Variants in CACNA1D observed in about 807,000 individuals in gnomAD.
CACNA1D encodes voltage-dependent L-type calcium channel subunit alpha-1D.
Under a neutral mutation model 257.1 loss-of-function variants are expected in CACNA1D, and 55 were observed. That is an observed-to-expected ratio of 0.21 (90% CI 0.17 to 0.27). The LOEUF is 0.27. Among genes scored for constraint, CACNA1D ranks in the 10% least tolerant of loss-of-function variants. The pLI is 1.00. For missense variants in CACNA1D, 1,876 were observed against 2,784.0 expected, an observed-to-expected ratio of 0.67 and a Z score of 7.34; for synonymous variants, 980 against 1,014.9, an observed-to-expected ratio of 0.97 and a Z score of 0.65.
intron 8 of CACNA1D, among the ~76,000 whole-genome samples, chr3:53,702,382 T>G (rs1158125897): frequency 1.3e-5 from 2 of 152,194 alleles, no homozygotes; most frequent in Admixed American, 1.3e-4. Context: ...TTGAGATCGC[T>G]GTCATCGAGG....
chr3:53,726,800 G>A, intron 14 of CACNA1D, 79 bp from the exon 15 acceptor site: 1 of 1,588,600 alleles, frequency 6.3e-7, no homozygotes, highest in Non-Finnish European at 8.6e-7. Flanking sequence ...ACCAGATCTA[G>A]GCAGCCACCG....
chr3:53,660,309 T>A, intron 5 of CACNA1D, 34 bp downstream of exon 5: 1 of 1,610,932 alleles, frequency 6.2e-7, no homozygotes, highest in South Asian at 1.1e-5. Context: ...GTCAGGAGTG[T>A]GCTGGTTTTT....
At position 53,698,878 on chromosome 3, in the gene CACNA1D, T is replaced by C. The variant is rs1326704158; in HGVS notation, c.1221-3763T>C. 2.0e-5 allele frequency among the ~76,000 whole-genome samples: 3 copies of C among 151,968 alleles called. No homozygotes were observed. The East Asian group carries it at 5.8e-4, about 29-fold the overall frequency. On this transcript the variant is annotated intron_variant, in intron 8 of 47. Coordinates refer to ENST00000350061, the MANE Select transcript of CACNA1D (RefSeq NM_001128840.3). Reference sequence around the variant, plus strand: ...AGACACACCATAACCAAAATTCTGGTTTGGAACAAGAAGACTCCTAGCATA... The same window carrying C: ...AGACACACCATAACCAAAATTCTGGCTTGGAACAAGAAGACTCCTAGCATA...
At chr3:53,538,184 A>G (rs936401226) in intron 3 of CACNA1D, among the ~76,000 whole-genome samples, 7 of 106,112 alleles carry the variant, frequency 6.6e-5, no homozygotes, top group Middle Eastern at 0.012. Context: ...GTCTCGTTCT[A>G]TCTCCCAGGC....
In CACNA1D at chr3:53,495,501, C is replaced by A. The variant is rs553230250; in HGVS notation, c.67+268C>A. On this transcript the variant is annotated intron_variant, in intron 1 of 47. Coordinates refer to ENST00000350061, the MANE Select transcript of CACNA1D (RefSeq NM_001128840.3). This position sits in a 1 kb window ranked among gnomAD's most constrained non-coding sequence, Gnocchi z 5.1. ...CGGTGCAGCCGGAGGGGCGGCGAGT[C>A]GGGGTGATTCGGGTTCAGTGTCCTC... Among the ~76,000 whole-genome samples, 5 of 151,980 alleles carry A rather than the reference C, an allele frequency of 3.3e-5. No homozygotes were observed. The South Asian group carries it at 1.0e-3, about 32-fold the overall frequency.
rs528364500 is a variant in CACNA1D at position 53,812,817 on chromosome 3, T to C, written c.*1411T>C. ...AGGAGCAACGTGGTGATCTATAGGA[T>C]TGGAGTGTCGGGGTCTGTACAAATC... On this transcript the variant is annotated 3_prime_UTR_variant, in exon 48 of 48. Transcript: ENST00000350061. The C allele has an allele frequency of 3.3e-5, 5 of 152,390 alleles. No homozygotes were observed. The South Asian group carries it at 6.2e-4, about 19-fold the overall frequency. 9.4% of individuals were successfully genotyped at this position (152,390 alleles called of 1,614,324 possible).
intron 3 of CACNA1D, among the ~76,000 whole-genome samples, chr3:53,619,678 G>A (rs1009898694): frequency 5.9e-5 from 9 of 152,224 alleles, no homozygotes; most frequent in Admixed American, 3.3e-4. Flanking sequence ...AGGAGGGCCA[G>A]TAGAAGATCC....
intron 7 of CACNA1D, among the ~76,000 whole-genome samples, chr3:53,670,299 TG>T (rs1308159084): frequency 6.6e-6 from 1 of 152,224 alleles, no homozygotes; most frequent in Non-Finnish European, 1.5e-5. Flanking sequence ...AGCCTTGCAT[TG>T]GTCTATAACT....
intron 47 of CACNA1D, 163 bp downstream of exon 47, chr3:53,810,461 A>G: frequency 1.4e-6 from 1 of 735,424 alleles, no homozygotes; most frequent in Non-Finnish European, 2.4e-6. Context: ...GCATGAGTAA[A>G]AACTGGTCAC....
At chr3:53,514,373 C>G (rs372107464) in intron 3 of CACNA1D, among the ~76,000 whole-genome samples, 1 of 151,632 alleles carries the variant, frequency 6.6e-6, no homozygotes, top group Non-Finnish European at 1.5e-5. Context: ...GACGGCAGAA[C>G]CTTTTGGGGG....
At chr3:53,704,826 A>C (rs2094669344) in intron 9 of CACNA1D, among the ~76,000 whole-genome samples, 1 of 152,218 alleles carries the variant, frequency 6.6e-6, no homozygotes. Context: ...GAGCTGAGTG[A>C]GGCCTTCTTA....
In CACNA1D at chr3:53,769,994, C is replaced by T. The variant is rs72556360; in HGVS notation, c.3892C>T (p.Pro1298Ser). 9,584 of 1,613,132 alleles carry T rather than the reference C, an allele frequency of 5.9e-3. 46 individuals carry two copies. Among genetic ancestry groups the T allele is most frequent in the Non-Finnish European group, 6.2e-3 (7,365 of 1,179,092 alleles). The change falls in exon 31 of 48, where the codon CCT becomes TCT. Residue 1298 changes from proline (P) to serine (S), a missense_variant. This residue lies in a region of CACNA1D where 204 missense variants were observed against 309.4 expected (regional missense o/e 0.66). Coordinates refer to ENST00000350061, the MANE Select transcript of CACNA1D (RefSeq NM_001128840.3). Reference protein sequence around the residue: ...EADPTESENVPVPTATPGNSE... With the variant: ...EADPTESENVSVPTATPGNSE... ...AAAGCCAACTGAAAGTGAAAATGTCCCTGTCCCAACTGCTACACCTGGGGT... is the reference window on the plus strand; with the variant it reads ...AAAGCCAACTGAAAGTGAAAATGTCTCTGTCCCAACTGCTACACCTGGGGT...
intron 31 of CACNA1D, 112 bp downstream of exon 31, chr3:53,770,129 G>A: frequency 1.1e-6 from 1 of 932,838 alleles, no homozygotes. Flanking sequence ...TTCCAGAACA[G>A]TGTCTGCAGT....
intron 3 of CACNA1D, among the ~76,000 whole-genome samples, chr3:53,650,134 G>C (rs146746161): frequency 2.0e-5 from 3 of 152,224 alleles, no homozygotes; most frequent in Non-Finnish European, 4.4e-5. Context: ...CACAAGTTCA[G>C]CCGGGAGAGG....
At chr3:53,506,977 G>A (rs1457227444) in intron 3 of CACNA1D, among the ~76,000 whole-genome samples, 1 of 150,098 alleles carries the variant, frequency 6.7e-6, no homozygotes, top group Non-Finnish European at 1.5e-5. Flanking sequence ...GGAGGCTGAG[G>A]CAGGAGTCTT....
intron 3 of CACNA1D, among the ~76,000 whole-genome samples, chr3:53,515,945 C>T (rs1004615109): frequency 1.3e-5 from 2 of 152,148 alleles, no homozygotes; most frequent in South Asian, 2.1e-4. Context: ...AGCCTTCCAC[C>T]GTATCAGGAG....
intron 9 of CACNA1D, among the ~76,000 whole-genome samples, chr3:53,713,554 C>T (rs1000490213): frequency 1.5e-5 from 2 of 133,764 alleles, no homozygotes; most frequent in Non-Finnish European, 3.1e-5. Context: ...GAGAGATTTG[C>T]CTCCAAATTC....
Position 53,507,149 on chromosome 3 carries a change from C to T in CACNA1D, c.483+5429C>T, listed in dbSNP as rs185839376. ...TCAAAATGACCAGAGTAGATGGACTCGTGTAGTAAAACTTTACCCAAAGTT... is the reference window on the plus strand; with the variant it reads ...TCAAAATGACCAGAGTAGATGGACTTGTGTAGTAAAACTTTACCCAAAGTT... On this transcript the variant is annotated intron_variant, in intron 3 of 47. Coordinates refer to ENST00000350061, the MANE Select transcript of CACNA1D (RefSeq NM_001128840.3). 2.7e-3 allele frequency among the ~76,000 whole-genome samples: 407 copies of T among 150,906 alleles called. 7 individuals carry two copies. The highest frequency in any genetic ancestry group is 0.022 in the Admixed American group (339 of 15,180).
rs1424899788 is a variant in CACNA1D, at chr3:53,811,225, C to T, written c.6305C>T (p.Ala2102Val). The T allele has an allele frequency of 5.0e-6, 8 of 1,613,918 alleles. No homozygotes were observed. Among genetic ancestry groups the T allele is most frequent in the Non-Finnish European group, 5.9e-6 (7 of 1,179,984 alleles). ...CDLTIDEMES[A>V]ASTLLNGNVR... The stretch of plus-strand genomic sequence containing the variant: ...CTCACCATCGACGAGATGGAGAGTG[C>T]AGCCAGCACCCTGCTTAATGGGAAC... Residue 2102 changes from alanine to valine, a missense_variant, in exon 48 of 48, where the codon GCA (alanine) becomes GTA (valine). Ala to Val is a moderately conservative substitution (Grantham distance 64, BLOSUM62 0). Around this residue, in one of 10 missense-constraint regions of CACNA1D, gnomAD observed 491 missense variants for 554.3 expected, o/e 0.89. Transcript: ENST00000350061. This position sits in a 1 kb window ranked among gnomAD's most constrained non-coding sequence, Gnocchi z 4.2.
Sources: allele counts gnomAD v4.1 joint callset (sites outside exome capture counted in the v4.1 genomes callset), GRCh38; gene constraint gnomAD v4.1.1; regional missense constraint gnomAD v4.1.1; non-coding constraint Gnocchi (gnomAD v3.1); transcripts MANE v1.5; gene names NCBI Gene and HGNC (gene_info 2026-07-23, HGNC 2026-07-21).